Variants in TMC1 observed in about 807,000 individuals in gnomAD.
The protein encoded by TMC1 is transmembrane channel-like protein 1.
Under a neutral mutation model 105.8 loss-of-function variants are expected in TMC1, and 84 were observed. The observed-to-expected ratio is 0.79, with a 90% confidence interval of 0.67 to 0.95. The LOEUF is 0.95. Among genes scored for constraint, TMC1 ranks in the 40% least tolerant of loss-of-function variants. The pLI, the probability that TMC1 is intolerant of heterozygous loss-of-function variation, is 0.00. For synonymous variants in TMC1, 315 were observed against 311.5 expected, an observed-to-expected ratio of 1.01 and a Z score of -0.12; for missense variants, 817 against 914.1, an observed-to-expected ratio of 0.89 and a Z score of 1.37.
At chr9:72,745,807 A>T (rs1427159109) in intron 10 of TMC1, among the ~76,000 whole-genome samples, 1 of 151,912 alleles carries the variant, frequency 6.6e-6, no homozygotes, top group Non-Finnish European at 1.5e-5. Flanking sequence ...GACCCCTACC[A>T]CCTCTGTAGT....
In TMC1 at chr9:72,607,573, G is replaced by T. The variant is rs1253461292; in HGVS notation, c.-305-8795G>T. Among the ~76,000 whole-genome samples, 4 of 146,438 alleles carry T rather than the reference G, an allele frequency of 2.7e-5. No homozygotes were observed. The East Asian group carries it at 8.1e-4, about 30-fold the overall frequency. The stretch of plus-strand genomic sequence containing the variant: ...GGAGCTTGCAGTGAGCCGAGATCGC[G>T]CCACTGCACTTCAGCCTGGGCGAGA... On this transcript the variant is annotated intron_variant, in intron 2 of 23. Transcript: ENST00000297784.
At position 72,546,625 on chromosome 9, in the gene TMC1, T is replaced by C. The variant is rs919870226; in HGVS notation, c.-428+24712T>C. Among the ~76,000 whole-genome samples, 5 of 152,348 alleles carry C rather than the reference T, an allele frequency of 3.3e-5. No homozygotes were observed. In the South Asian group the frequency reaches 1.0e-3, roughly 32 times the overall value. Reference sequence around the variant, plus strand: ...TTCCACCAGTTCTCTGCACTGATCTTCAAGAAAAAATTTTAAAACCTGCAC... The same window carrying C: ...TTCCACCAGTTCTCTGCACTGATCTCCAAGAAAAAATTTTAAAACCTGCAC... On this transcript the variant is annotated intron_variant, in intron 1 of 23. Transcript: ENST00000297784.
chr9:72,655,755 C>T (rs1030628187), intron 5 of TMC1: 2 of 480,478 alleles, frequency 4.2e-6, no homozygotes, highest in Non-Finnish European at 7.6e-6. Flanking sequence ...AAAAAAAAAT[C>T]ATTCAAAAGA....
rs151318028 is a variant in TMC1, at chr9:72,798,426, T to C, written c.1566+6074T>C. On this transcript the variant is annotated intron_variant, in intron 17 of 23. Coordinates refer to ENST00000297784, the MANE Select transcript of TMC1 (RefSeq NM_138691.3). Reference sequence around the variant, plus strand: ...GGCATGTGAATGTTCATTGCAGCACTATTCACAATAGCAAATACACGGAAT... The same window carrying C: ...GGCATGTGAATGTTCATTGCAGCACCATTCACAATAGCAAATACACGGAAT... 1.8e-3 allele frequency among the ~76,000 whole-genome samples: 273 copies of C among 152,216 alleles called. 1 individual carries two copies. The highest frequency in any genetic ancestry group is 6.3e-3 in the African/African-American group (262 of 41,550).
At chr9:72,577,471 CTT>C (rs1824402737) in intron 1 of TMC1, among the ~76,000 whole-genome samples, 1 of 152,174 alleles carries the variant, frequency 6.6e-6, no homozygotes, top group African/African-American at 2.4e-5. Context: ...GGCAAGTGCA[CTT>C]CATAATGCCT....
At chr9:72,619,383 T>G (rs576349769) in intron 3 of TMC1, among the ~76,000 whole-genome samples, 3 of 152,316 alleles carry the variant, frequency 2.0e-5, no homozygotes, top group African/African-American at 7.2e-5. Context: ...GTTTATGATT[T>G]AGGAAGATGT....
intron 12 of TMC1, among the ~76,000 whole-genome samples, chr9:72,768,340 G>A (rs1827871600): frequency 6.6e-6 from 1 of 152,040 alleles, no homozygotes; most frequent in African/African-American, 2.4e-5. Flanking sequence ...GGGGGCTAGG[G>A]GAGGGATAGC....
chr9:72,524,169 G>A (rs546595364), intron 1 of TMC1, among the ~76,000 whole-genome samples: 9 of 152,144 alleles, frequency 5.9e-5, no homozygotes, highest in South Asian at 2.1e-4. Flanking sequence ...TAGATATGTC[G>A]TTTTTTTCTT....
chr9:72,524,332 C>T (rs1195786399), intron 1 of TMC1, among the ~76,000 whole-genome samples: 3 of 152,112 alleles, frequency 2.0e-5, no homozygotes, highest in East Asian at 3.8e-4. Context: ...TTTATCTGAG[C>T]TCTTTTGACT....
rs569078392 is a variant in TMC1 at position 72,595,968 on chromosome 9, C to A, written c.-306+17945C>A. Among the ~76,000 whole-genome samples the A allele has an allele frequency of 1.6e-4, 25 of 151,926 alleles. No individual in the cohort carries two copies. The South Asian group carries it at 5.0e-3, about 30-fold the overall frequency. On this transcript the variant is annotated intron_variant, in intron 2 of 23. Transcript: ENST00000297784. Reference sequence around the variant, plus strand: ...CTCGGCTCACTGCAACCTCTGCCTCCTGGGTTCAAGCGATTCTTCCGCCTC... The same window carrying A: ...CTCGGCTCACTGCAACCTCTGCCTCATGGGTTCAAGCGATTCTTCCGCCTC...
intron 8 of TMC1, among the ~76,000 whole-genome samples, chr9:72,717,995 T>C (rs1826951256): frequency 6.6e-6 from 1 of 152,154 alleles, no homozygotes; most frequent in Non-Finnish European, 1.5e-5. Context: ...TTTTTAAAAT[T>C]CTTTTACTTT....
At chr9:72,525,589 A>C (rs1823392032) in intron 1 of TMC1, among the ~76,000 whole-genome samples, 1 of 152,234 alleles carries the variant, frequency 6.6e-6, no homozygotes, top group South Asian at 2.1e-4. Context: ...GGACTGACAA[A>C]CGCAGAGCTT....
At chr9:72,819,091 A>C (rs915930444) in intron 19 of TMC1, among the ~76,000 whole-genome samples, 1 of 152,216 alleles carries the variant, frequency 6.6e-6, no homozygotes, top group Non-Finnish European at 1.5e-5. Context: ...AGCTCATAAA[A>C]GGAACATGTT....
intron 10 of TMC1, among the ~76,000 whole-genome samples, chr9:72,751,473 A>G (rs1490566188): frequency 6.6e-6 from 1 of 152,244 alleles, no homozygotes; most frequent in Non-Finnish European, 1.5e-5. Flanking sequence ...CTAGCTAGGC[A>G]CTGTAGTTAC....
chr9:72,746,636 A>T (rs993205624), intron 10 of TMC1, among the ~76,000 whole-genome samples: 2 of 152,190 alleles, frequency 1.3e-5, no homozygotes, highest in Non-Finnish European at 2.9e-5. Context: ...TCTGTCCAAT[A>T]ATTTGCAGAA....
chr9:72,755,586 CTA>C, intron 12 of TMC1, among the ~76,000 whole-genome samples: 1 of 152,222 alleles, frequency 6.6e-6, no homozygotes, highest in Middle Eastern at 3.4e-3. Context: ...CCATTTTGGA[CTA>C]TATGATTCAA....
At chr9:72,607,751 G>C (rs1055177551) in intron 2 of TMC1, 1 of 151,848 alleles carries the variant, frequency 6.6e-6, no homozygotes, top group Non-Finnish European at 1.5e-5. Flanking sequence ...TTCAAGGCCA[G>C]CCTGGGCAAA....
At position 72,694,556 on chromosome 9, in the gene TMC1, G is replaced by A. The variant is rs769476838; in HGVS notation, c.78G>A (p.Glu26=). Residue 26 remains glutamate, a synonymous_variant, in exon 7 of 24, where the codon GAG becomes GAA. Transcript: ENST00000297784. ...TGCTATGTTTAGGTGAAGAGGAAGA[G>A]GAGGTGGAAGATAAGCTACCTCGAA... is the stretch of plus-strand genomic sequence containing the variant. ...ETEESSSEEE[E]EVEDKLPRRE... is the part of the protein sequence containing the mutation. 6.2e-7 allele frequency: 1 copy of A among 1,612,606 alleles called. No homozygotes were observed. Among genetic ancestry groups the A allele is most frequent in the South Asian group, 1.1e-5 (1 of 90,980 alleles).
intron 4 of TMC1, among the ~76,000 whole-genome samples, chr9:72,645,402 A>G (rs1825693764): frequency 6.6e-6 from 1 of 152,222 alleles, no homozygotes; most frequent in South Asian, 2.1e-4. Context: ...AACATGGATT[A>G]TCAGTATGAC....
Sources: allele counts gnomAD v4.1 joint callset (sites outside exome capture counted in the v4.1 genomes callset), GRCh38; gene constraint gnomAD v4.1.1; transcripts MANE v1.5; gene names NCBI Gene and HGNC (gene_info 2026-07-23, HGNC 2026-07-21).